Variants in SEC14L1 observed in about 807,000 individuals in gnomAD.
SEC14L1 encodes SEC14 like lipid binding 1.
In SEC14L1, 48 loss-of-function variants were observed where a neutral mutation model predicts 85.3. That is an observed-to-expected ratio of 0.56 (90% CI 0.45 to 0.72). SEC14L1 has a LOEUF of 0.72. SEC14L1 is among the 30% of genes least tolerant of loss of function. SEC14L1 has a pLI of 0.00. For missense variants in SEC14L1, 682 were observed against 921.4 expected, an observed-to-expected ratio of 0.74 and a Z score of 3.36; for synonymous variants, 391 against 355.5, an observed-to-expected ratio of 1.10 and a Z score of -1.12.
Position 77,194,487 on chromosome 17 carries a change from GGGTAC to G in SEC14L1, c.475-189_475-185del, listed in dbSNP as rs536037830. Among the ~76,000 whole-genome samples, 20 of 152,124 alleles carry G rather than the reference GGGTAC, an allele frequency of 1.3e-4. No individual in the cohort carries two copies. The South Asian group carries it at 3.9e-3, about 30-fold the overall frequency. On this transcript the variant is annotated intron_variant, in intron 6 of 16. Coordinates refer to ENST00000436233, the MANE Select transcript of SEC14L1 (RefSeq NM_001143998.2). Reference sequence around the variant, plus strand: ...GGATGGCTTGAGTCCAGGAGGTCAAGGGTACAGTGAGCTGTGATCATGCCACTGTG... The same window carrying G: ...GGATGGCTTGAGTCCAGGAGGTCAAGAGTGAGCTGTGATCATGCCACTGTG...
intron 3 of SEC14L1, among the ~76,000 whole-genome samples, chr17:77,176,530 T>A (rs995347269): frequency 6.6e-6 from 1 of 152,244 alleles, no homozygotes; most frequent in African/African-American, 2.4e-5. Flanking sequence ...TGAACTAATA[T>A]TGACAACATT....
In SEC14L1 at chr17:77,181,804, C is replaced by T. The variant is rs370054083; in HGVS notation, c.64-8999C>T. Among the ~76,000 whole-genome samples, 5 of 152,120 alleles carry T rather than the reference C, an allele frequency of 3.3e-5. No homozygotes were observed. The East Asian group carries it at 9.7e-4, about 29-fold the overall frequency. ...ATTCCTTAGAATTTTTAGTATAGGG[C>T]CTGCATGTGGTAGGCCCTCTGTAAA... On this transcript the variant is annotated intron_variant, in intron 3 of 16. Coordinates refer to ENST00000436233, the MANE Select transcript of SEC14L1 (RefSeq NM_001143998.2).
At chr17:77,115,761 G>C (rs962518061) in intron 3 of SEC14L1, among the ~76,000 whole-genome samples, 1 of 152,168 alleles carries the variant, frequency 6.6e-6, no homozygotes, top group South Asian at 2.1e-4. Context: ...AACAAAATCA[G>C]CACTGAGAGA....
chr17:77,127,293 A>G (rs973011662), intron 3 of SEC14L1, among the ~76,000 whole-genome samples: 1 of 152,146 alleles, frequency 6.6e-6, no homozygotes, highest in African/African-American at 2.4e-5. Context: ...AGCTTCATCC[A>G]TGTCCCTGCA....
chr17:77,210,843 C>T (rs1210873459), intron 14 of SEC14L1: 1 of 152,174 alleles, frequency 6.6e-6, no homozygotes, highest in African/African-American at 2.4e-5. Flanking sequence ...CATCTGTAGA[C>T]ATCCACATGG....
In SEC14L1 at chr17:77,175,942, G is replaced by A. The variant is rs568048278; in HGVS notation, c.64-14861G>A. ...TGTGTGCTGATTGGTTTGTGAGTAT[G>A]CAAAAAAGGTTAAAGTGAAGACACC... On this transcript the variant is annotated intron_variant, in intron 3 of 16. Coordinates refer to ENST00000436233, the MANE Select transcript of SEC14L1 (RefSeq NM_001143998.2). 2.4e-4 allele frequency among the ~76,000 whole-genome samples: 37 copies of A among 152,222 alleles called. No homozygotes were observed. In the South Asian group the frequency reaches 2.9e-3, roughly 12 times the overall value.
upstream of SEC14L1, among the ~76,000 whole-genome samples, chr17:77,138,348 G>A (rs1438187471): frequency 6.6e-6 from 1 of 152,168 alleles, no homozygotes; most frequent in East Asian, 1.9e-4. Flanking sequence ...TGGGCAGGGT[G>A]CTGTGGTTCA....
At chr17:77,199,853 T>G (rs914131788) in intron 8 of SEC14L1, among the ~76,000 whole-genome samples, 6 of 152,220 alleles carry the variant, frequency 3.9e-5, no homozygotes, top group Non-Finnish European at 8.8e-5. Context: ...AGTATAATAG[T>G]GCAGCTCACT....
chr17:77,148,014 A>G (rs1406225144), intron 3 of SEC14L1, among the ~76,000 whole-genome samples: 5 of 152,232 alleles, frequency 3.3e-5, no homozygotes. Context: ...CCCACAGATT[A>G]GGAACTTAGA....
intron 3 of SEC14L1, among the ~76,000 whole-genome samples, chr17:77,118,064 C>T (rs1296725655): frequency 1.3e-5 from 2 of 152,238 alleles, no homozygotes; most frequent in African/African-American, 4.8e-5. Flanking sequence ...TGATTTTTTC[C>T]ATCTGGGCAT....
chr17:77,197,796 G>A (rs1598384772), intron 8 of SEC14L1, among the ~76,000 whole-genome samples: 1 of 152,130 alleles, frequency 6.6e-6, no homozygotes, highest in Non-Finnish European at 1.5e-5. Context: ...GTAGAGAACA[G>A]GGTTCCACCA....
chr17:77,183,457 T>C (rs1007280769), intron 3 of SEC14L1, among the ~76,000 whole-genome samples: 2 of 152,246 alleles, frequency 1.3e-5, no homozygotes, highest in Admixed American at 1.3e-4. Context: ...AGAATAGATA[T>C]TCTTCTGTCT....
intron 3 of SEC14L1, among the ~76,000 whole-genome samples, chr17:77,148,573 A>G (rs913701301): frequency 4.0e-5 from 6 of 151,818 alleles, no homozygotes; most frequent in South Asian, 2.1e-4. Context: ...TTCTCCAGGA[A>G]CCCCTTCAGT....
At chr17:77,103,139 G>A (rs1439645077) in intron 3 of SEC14L1, among the ~76,000 whole-genome samples, 2 of 151,700 alleles carry the variant, frequency 1.3e-5, no homozygotes, top group East Asian at 3.9e-4. Context: ...TTGAGAGGGA[G>A]TCTTCCTCTG....
intron 3 of SEC14L1, among the ~76,000 whole-genome samples, chr17:77,176,153 G>A (rs1329106446): frequency 2.0e-5 from 3 of 152,090 alleles, no homozygotes; most frequent in Admixed American, 1.3e-4. Flanking sequence ...AGCTGAGCGT[G>A]GTGCTGCACA....
At chr17:77,169,004 CATCTTTT>C (rs146009134) in intron 3 of SEC14L1, among the ~76,000 whole-genome samples, 1 of 119,610 alleles carries the variant, frequency 8.4e-6, no homozygotes, top group African/African-American at 3.1e-5. Flanking sequence ...CCGTGAGGAG[CATCTTTT>C]TTTTTTTTTT....
At chr17:77,153,390 T>A (rs1973657805) in intron 3 of SEC14L1, among the ~76,000 whole-genome samples, 1 of 152,208 alleles carries the variant, frequency 6.6e-6, no homozygotes, top group Non-Finnish European at 1.5e-5. Flanking sequence ...AAACATTTGC[T>A]GGCAGAGATG....
upstream of SEC14L1, among the ~76,000 whole-genome samples, chr17:77,137,944 T>C (rs957368160): frequency 2.0e-5 from 3 of 152,124 alleles, no homozygotes; most frequent in South Asian, 2.1e-4. Context: ...GTGCAGGAGA[T>C]TGGAGTTTTA....
rs1223168765 is a variant in SEC14L1 at position 77,213,393 on chromosome 17, G to A, written c.1943G>A (p.Ser648Asn). 1.9e-6 allele frequency: 3 copies of A among 1,613,412 alleles called. No homozygotes were observed. The highest frequency in any genetic ancestry group is 3.3e-5 in the Admixed American group (2 of 59,990). ...FHSMPACAASSLPRVDDVLAS... is the reference protein window; with the variant it reads ...FHSMPACAASNLPRVDDVLAS... ...AGCATGCCTGCGTGCGCCGCCAGCAGCCTTCCCCGGGTGGACGACGTGCTT... is the reference window on the plus strand; with the variant it reads ...AGCATGCCTGCGTGCGCCGCCAGCAACCTTCCCCGGGTGGACGACGTGCTT... The change falls in exon 16 of 17, where the codon AGC becomes AAC. Residue 648 changes from serine (S) to asparagine (N), a missense_variant. Physicochemically the swap from Ser to Asn is conservative, Grantham distance 46. Transcript: ENST00000436233. This position sits in a 1 kb window ranked among gnomAD's most constrained non-coding sequence, Gnocchi z 7.1.
Sources: allele counts gnomAD v4.1 joint callset (sites outside exome capture counted in the v4.1 genomes callset), GRCh38; gene constraint gnomAD v4.1.1; non-coding constraint Gnocchi (gnomAD v3.1); transcripts MANE v1.5; gene names NCBI Gene and HGNC (gene_info 2026-07-23, HGNC 2026-07-21).